The following NEK11 variants were observed in gnomAD, a reference collection of about 807,000 sequenced individuals.
NEK11 encodes NIMA related kinase 11.
A neutral mutation model predicts 80.7 loss-of-function variants in NEK11; 72 were observed. That is an observed-to-expected ratio of 0.89 (90% CI 0.74 to 1.08). The LOEUF (loss-of-function observed/expected upper bound fraction) is 1.08, where lower values mean the gene tolerates loss of function less well. NEK11 is among the 50% of genes least tolerant of loss of function. NEK11 has a pLI of 0.00. For missense variants in NEK11, 764 were observed against 763.6 expected (o/e 1.00, Z -0.01); for synonymous variants, 251 against 260.7 (o/e 0.96, Z 0.36).
At chr3:131,093,438 TTTTGA>T (rs2077007865) in intron 4 of NEK11, among the ~76,000 whole-genome samples, 1 of 152,120 alleles carries the variant, frequency 6.6e-6, no homozygotes, top group Non-Finnish European at 1.5e-5. Context: ...CAATTTTTTT[TTTTGA>T]GACAGAGTCT....
At chr3:131,148,397 G>A (rs1404988221) in intron 7 of NEK11, among the ~76,000 whole-genome samples, 1 of 151,942 alleles carries the variant, frequency 6.6e-6, no homozygotes, top group Non-Finnish European at 1.5e-5. Context: ...AAATGAAGAG[G>A]TTGAGTAAGA....
At chr3:131,231,700 T>G (rs2095333374) in intron 15 of NEK11, among the ~76,000 whole-genome samples, 1 of 151,930 alleles carries the variant, frequency 6.6e-6, no homozygotes, top group Non-Finnish European at 1.5e-5. Flanking sequence ...GTTATTTTCA[T>G]TAGCAACATA....
intron 14 of NEK11, among the ~76,000 whole-genome samples, chr3:131,214,047 A>G (rs2094727760): frequency 6.6e-6 from 1 of 152,194 alleles, no homozygotes; most frequent in African/African-American, 2.4e-5. Context: ...CAAATCAGGA[A>G]GGGAGCCTTC....
intron 17 of NEK11, among the ~76,000 whole-genome samples, chr3:131,314,867 C>T (rs2096820701): frequency 6.6e-6 from 1 of 152,136 alleles, no homozygotes; most frequent in South Asian, 2.1e-4. Flanking sequence ...TTATTCAATG[C>T]CAAATATAGC....
intron 5 of NEK11, among the ~76,000 whole-genome samples, chr3:131,129,970 A>T (rs2084128564): frequency 6.6e-6 from 1 of 152,216 alleles, no homozygotes; most frequent in African/African-American, 2.4e-5. Flanking sequence ...TCTACAAAAT[A>T]ACTTCCTGGG....
chr3:131,313,575 C>T (rs1406373747), intron 17 of NEK11, among the ~76,000 whole-genome samples: 1 of 152,022 alleles, frequency 6.6e-6, no homozygotes, highest in East Asian at 1.9e-4. Context: ...GATCCATGAT[C>T]TTGAGTTTTT....
chr3:131,344,993 G>A (rs1410790970), intron 17 of NEK11, among the ~76,000 whole-genome samples: 2 of 152,060 alleles, frequency 1.3e-5, no homozygotes, highest in Non-Finnish European at 2.9e-5. Flanking sequence ...TTTTATTTCT[G>A]ATGCATCTGT....
intron 17 of NEK11, among the ~76,000 whole-genome samples, chr3:131,302,490 A>C (rs953030235): frequency 6.6e-6 from 1 of 152,136 alleles, no homozygotes; most frequent in Admixed American, 6.6e-5. Context: ...AACATCTAGC[A>C]CTATAAACTT....
At chr3:131,163,340 G>A (rs754341531) in intron 11 of NEK11, among the ~76,000 whole-genome samples, 8 of 152,034 alleles carry the variant, frequency 5.3e-5, no homozygotes, top group Non-Finnish European at 8.8e-5. Context: ...CTCAACCTAC[G>A]TATCCATCAA....
intron 17 of NEK11, among the ~76,000 whole-genome samples, chr3:131,291,580 G>C (rs2096543989): frequency 6.6e-6 from 1 of 152,182 alleles, no homozygotes; most frequent in African/African-American, 2.4e-5. Context: ...CAATGAGTGA[G>C]AGTTCCTGTT....
chr3:131,248,583 A>AT (rs2095644383), intron 16 of NEK11, among the ~76,000 whole-genome samples: 2 of 151,936 alleles, frequency 1.3e-5, no homozygotes, highest in African/African-American at 4.8e-5. Context: ...CATGGCCTGG[A>AT]TTGCATGGTC....
chr3:131,030,954 C>T (rs1297634898), intron 3 of NEK11, among the ~76,000 whole-genome samples: 3 of 152,212 alleles, frequency 2.0e-5, no homozygotes, highest in African/African-American at 7.2e-5. Context: ...TCCAAGATAT[C>T]AGCCCTTAAC....
intron 17 of NEK11, among the ~76,000 whole-genome samples, chr3:131,275,204 T>C (rs2096273617): frequency 6.6e-6 from 1 of 152,084 alleles, no homozygotes; most frequent in African/African-American, 2.4e-5. Context: ...TACCTCCACC[T>C]CTCCTTGCTT....
At chr3:131,195,814 AT>A (rs2093984637) in intron 14 of NEK11, among the ~76,000 whole-genome samples, 1 of 147,048 alleles carries the variant, frequency 6.8e-6, no homozygotes, top group Admixed American at 6.8e-5. Flanking sequence ...ATATATATAT[AT>A]ATATAAAATT....
At chr3:131,156,130 G>C (rs1043717005) in intron 10 of NEK11, among the ~76,000 whole-genome samples, 1 of 152,152 alleles carries the variant, frequency 6.6e-6, no homozygotes, top group East Asian at 1.9e-4. Flanking sequence ...CAGTGTTCTA[G>C]AATCCAGTTG....
At chr3:131,279,738 T>C (rs1417259562) in intron 17 of NEK11, among the ~76,000 whole-genome samples, 1 of 152,214 alleles carries the variant, frequency 6.6e-6, no homozygotes, top group Non-Finnish European at 1.5e-5. Context: ...TAGTTAGTTA[T>C]GAATATGGAT....
chr3:131,168,147 C>T (rs976734042), intron 12 of NEK11, among the ~76,000 whole-genome samples: 2 of 152,182 alleles, frequency 1.3e-5, no homozygotes, highest in African/African-American at 2.4e-5. Context: ...GTCAGCATCC[C>T]ATCTCTCTTT....
At chr3:131,034,405 A>T (rs904485123) in intron 3 of NEK11, among the ~76,000 whole-genome samples, 2 of 148,136 alleles carry the variant, frequency 1.4e-5, no homozygotes, top group African/African-American at 2.5e-5. Context: ...TACAATTTAA[A>T]TTTTTTTTTT....
intron 14 of NEK11, among the ~76,000 whole-genome samples, chr3:131,227,807 C>T (rs1373598834): frequency 6.6e-6 from 1 of 152,112 alleles, no homozygotes; most frequent in African/African-American, 2.4e-5. Context: ...GGCCTTTCTT[C>T]ACTGAAGATT....
Sources: allele counts gnomAD v4.1 joint callset (sites outside exome capture counted in the v4.1 genomes callset), GRCh38; gene constraint gnomAD v4.1.1; transcripts MANE v1.5; gene names NCBI Gene and HGNC (gene_info 2026-07-23, HGNC 2026-07-21).